Variants in PALD1 observed in about 807,000 individuals in gnomAD.
PALD1 encodes the protein phosphatase domain containing paladin 1.
In PALD1, 57 loss-of-function variants were observed where a neutral mutation model predicts 96.0. That is an observed-to-expected ratio of 0.59 (90% CI 0.48 to 0.74). The LOEUF is 0.74. Ranked by LOEUF, PALD1 falls within the 30% of genes least tolerant of loss-of-function variation. PALD1 has a pLI of 0.00. For missense variants in PALD1, 1,063 were observed against 1,143.7 expected (o/e 0.93, Z 1.02); for synonymous variants, 464 against 473.6 (o/e 0.98, Z 0.26).
At chr10:70,488,127 TC>T (rs1846042070) in intron 1 of PALD1, among the ~76,000 whole-genome samples, 1 of 19,754 alleles carries the variant, frequency 5.1e-5, no homozygotes, top group Non-Finnish European at 2.1e-4. Context: ...AATTTCTCTC[TC>T]TTTTTTTTTT....
the PALD1 span, among the ~76,000 whole-genome samples, chr10:70,467,741 G>A: frequency 1.3e-5 from 2 of 152,128 alleles, no homozygotes; most frequent in African/African-American, 4.8e-5. Flanking sequence ...TTTGTGAGGA[G>A]TGAGATCATG....
chr10:70,520,833 A>T (rs1489824131), intron 1 of PALD1, among the ~76,000 whole-genome samples: 1 of 151,236 alleles, frequency 6.6e-6, no homozygotes, highest in Non-Finnish European at 1.5e-5. Flanking sequence ...CTGGGATTAC[A>T]GGCGCCTGCC....
intron 1 of PALD1, among the ~76,000 whole-genome samples, chr10:70,489,948 A>G (rs113779874): frequency 0.074 from 11,181 of 150,436 alleles, 554 homozygotes; most frequent in South Asian, 0.16. Flanking sequence ...CTTGAGATGG[A>G]GTCTCGCTCT....
intron 2 of PALD1, among the ~76,000 whole-genome samples, chr10:70,527,310 C>T (rs1260891779): frequency 1.3e-5 from 2 of 152,258 alleles, no homozygotes; most frequent in East Asian, 1.9e-4. Context: ...ATCCTGTACA[C>T]AGGGCTGTGC....
chr10:70,505,847 C>T lies in PALD1; in HGVS notation c.-29-20076C>T, dbSNP rs1589182241. 2.6e-5 allele frequency among the ~76,000 whole-genome samples: 4 copies of T among 151,520 alleles called. No individual in the cohort carries two copies. In the South Asian group the frequency reaches 8.4e-4, roughly 32 times the overall value. On this transcript the variant is annotated intron_variant, in intron 1 of 19. Coordinates refer to ENST00000263563, the MANE Select transcript of PALD1 (RefSeq NM_014431.3). ...ACCATCCTGGACAACATGGCCAAAC[C>T]CCATATCTACCCAAAATACAAAAGT...
intron 1 of PALD1, among the ~76,000 whole-genome samples, chr10:70,497,917 T>C (rs963660471): frequency 1.3e-5 from 2 of 152,198 alleles, no homozygotes; most frequent in African/African-American, 4.8e-5. Context: ...TCTTTTACCA[T>C]GGTAAAATAT....
chr10:70,520,520 A>C (rs1846708561), intron 1 of PALD1, among the ~76,000 whole-genome samples: 1 of 152,172 alleles, frequency 6.6e-6, no homozygotes, highest in African/African-American at 2.4e-5. Flanking sequence ...CATTGACAAA[A>C]GGCTCACCAC....
At chr10:70,498,432 C>T (rs1187465354) in intron 1 of PALD1, among the ~76,000 whole-genome samples, 3 of 152,078 alleles carry the variant, frequency 2.0e-5, no homozygotes, top group Non-Finnish European at 4.4e-5. Flanking sequence ...GGAGTGTGCG[C>T]CACACCTGGC....
chr10:70,531,522 G>T, intron 5 of PALD1, 68 bp downstream of exon 5: 1 of 1,463,750 alleles, frequency 6.8e-7, no homozygotes, highest in Non-Finnish European at 9.3e-7. Flanking sequence ...TCTTTTTGGG[G>T]CCAGCTCACC....
At chr10:70,516,199 C>T (rs1245026688) in intron 1 of PALD1, among the ~76,000 whole-genome samples, 1 of 151,704 alleles carries the variant, frequency 6.6e-6, no homozygotes. Context: ...GGTGCGATCT[C>T]AGCTCATTGC....
At chr10:70,492,812 C>T (rs1846122830) in intron 1 of PALD1, among the ~76,000 whole-genome samples, 1 of 152,152 alleles carries the variant, frequency 6.6e-6, no homozygotes, top group Non-Finnish European at 1.5e-5. Flanking sequence ...CCCATGATTA[C>T]ATCAAGGAGC....
intron 1 of PALD1, 102 bp from the exon 2 acceptor site, chr10:70,525,821 T>G: frequency 3.4e-6 from 3 of 870,524 alleles, no homozygotes; most frequent in Non-Finnish European, 5.5e-6. Flanking sequence ...AGCTGCAGAG[T>G]GAGCTGCCTT....
At chr10:70,500,960 G>A (rs1846282169) in intron 1 of PALD1, among the ~76,000 whole-genome samples, 4 of 152,142 alleles carry the variant, frequency 2.6e-5, no homozygotes, top group Admixed American at 2.6e-4. Flanking sequence ...GCCTCTGTAT[G>A]CCCACCCATT....
chr10:70,522,746 A>G (rs1046845640), intron 1 of PALD1, among the ~76,000 whole-genome samples: 2 of 151,932 alleles, frequency 1.3e-5, no homozygotes, highest in African/African-American at 4.8e-5. Flanking sequence ...CTGCACCCCT[A>G]CCTTTGCTGA....
chr10:70,510,045 G>A (rs7917261), intron 1 of PALD1, among the ~76,000 whole-genome samples: 4,007 of 152,168 alleles, frequency 0.026, 165 homozygotes, highest in African/African-American at 0.089. Flanking sequence ...TCAACACTAC[G>A]GGGCAGCTGG....
chr10:70,529,233 A>C lies in PALD1; in HGVS notation c.190A>C (p.Asn64His). The C allele has an allele frequency of 1.4e-5, 6 of 430,596 alleles. No homozygotes were observed. The highest frequency in any genetic ancestry group is 3.3e-5 in the African/African-American group (1 of 30,462). The allele number at this position is 430,596 out of a possible 1,614,324, so 26.7% of individuals were successfully genotyped here. Residue 64 changes from asparagine (N) to histidine (H), a missense_variant, in exon 3 of 20, where the codon AAC (asparagine) becomes CAC (histidine). Transcript: ENST00000263563. ...GCCCCCCCCCCCCCCCCCCAGGTACAACTGCAAGGAGGAGTTCCAGATCCA... is the reference window on the plus strand; with the variant it reads ...GCCCCCCCCCCCCCCCCCCAGGTACCACTGCAAGGAGGAGTTCCAGATCCA... ...NKVAPVVITYNCKEEFQIHDE... is the reference protein window; with the variant it reads ...NKVAPVVITYHCKEEFQIHDE...
chr10:70,470,900 C>T, the PALD1 span, among the ~76,000 whole-genome samples: 2 of 152,064 alleles, frequency 1.3e-5, no homozygotes, highest in Admixed American at 1.3e-4. Context: ...CTCCTGGGTT[C>T]AAGTGATTCT....
chr10:70,501,813 CTG>C (rs71012209), intron 1 of PALD1, among the ~76,000 whole-genome samples: 2,085 of 139,278 alleles, frequency 0.015, 26 homozygotes, highest in African/African-American at 0.03. Flanking sequence ...CATTTTTACT[CTG>C]TGTGTGTGTG....
rs1303974016 is a variant in PALD1, at chr10:70,540,141, GGT to G, written c.1908+388_1908+389del. Among the ~76,000 whole-genome samples, 1 of 151,586 alleles carries G rather than the reference GGT, an allele frequency of 6.6e-6. No homozygotes were observed. The highest frequency in any genetic ancestry group is 3.4e-3 in the Middle Eastern group (1 of 292). On this transcript the variant is annotated intron_variant, in intron 15 of 19. Transcript: ENST00000263563. The surrounding 1 kb of genome is among the most constrained non-coding windows in gnomAD (Gnocchi z 4.2). ...GTTATAGGTGTGTGTGTGTTATCGG[GGT>G]GTGTGTGTATTCTGTTACAGGTGTG... is the stretch of plus-strand genomic sequence containing the variant.
Sources: allele counts gnomAD v4.1 joint callset (sites outside exome capture counted in the v4.1 genomes callset), GRCh38; gene constraint gnomAD v4.1.1; non-coding constraint Gnocchi (gnomAD v3.1); transcripts MANE v1.5; gene names NCBI Gene and HGNC (gene_info 2026-07-23, HGNC 2026-07-21).